The following SORBS3 variants were observed in gnomAD, a reference collection of about 807,000 sequenced individuals.
The protein encoded by SORBS3 is sorbin and SH3 domain containing 3.
Under a neutral mutation model 98.0 loss-of-function variants are expected in SORBS3, and 69 were observed. The observed-to-expected ratio is 0.70, with a 90% CI of 0.58 to 0.86. The LOEUF (loss-of-function observed/expected upper bound fraction) is 0.86. Among genes scored for constraint, SORBS3 ranks in the 40% least tolerant of loss-of-function variants. The pLI is 0.00. For synonymous variants in SORBS3, 394 were observed against 355.4 expected, an observed-to-expected ratio of 1.11 and a Z score of -1.22; for missense variants, 954 against 908.5, an observed-to-expected ratio of 1.05 and a Z score of -0.64.
chr8:22,557,047 T>G, intron 4 of SORBS3, 139 bp downstream of exon 4: 2 of 980,038 alleles, frequency 2.0e-6, no homozygotes, highest in Non-Finnish European at 3.0e-6. Flanking sequence ...TCAACCGTGG[T>G]GGGGTTCAGC....
At chr8:22,561,471 T>C (rs1840293638) in intron 6 of SORBS3, 98 bp downstream of exon 6, 2 of 1,340,394 alleles carry the variant, frequency 1.5e-6, no homozygotes, top group Non-Finnish European at 2.1e-6. Context: ...TTTGGGGCTC[T>C]CCAGTTGGCT....
chr8:22,553,908 G>A lies in SORBS3; in HGVS notation c.-55-544G>A, dbSNP rs1245385281. Reference sequence around the variant, plus strand: ...GGTCTTGCTGCCTGGAAATGCCCCCGACGCTCCCCTTGGCCCTATTGGGCT... The same window carrying A: ...GGTCTTGCTGCCTGGAAATGCCCCCAACGCTCCCCTTGGCCCTATTGGGCT... On this transcript the variant is annotated intron_variant, in intron 1 of 20. Transcript: ENST00000240123. Among the ~76,000 whole-genome samples, 5 of 152,176 alleles carry A rather than the reference G, an allele frequency of 3.3e-5. No individual in the cohort carries two copies. In the South Asian group the frequency reaches 6.2e-4, roughly 19 times the overall value.
chr8:22,569,607 G>A (rs1235894832), intron 17 of SORBS3, among the ~76,000 whole-genome samples: 2 of 152,074 alleles, frequency 1.3e-5, no homozygotes, highest in Non-Finnish European at 2.9e-5. Flanking sequence ...TAAAGTGTTG[G>A]GATTACAGGC....
chr8:22,571,789 C>T lies in SORBS3; in HGVS notation c.1815C>T (p.Ser605=), dbSNP rs866047334. 4 of 1,613,560 alleles carry T rather than the reference C, an allele frequency of 2.5e-6. No individual in the cohort carries two copies. The African/African-American group carries it at 4.0e-5, about 16-fold the overall frequency. ...GCCATCCCCTGGACCTGGGGACCTC[C>T]TCTCCTAACACCTCTCAGATACACT... ...GPSHPLDLGT[S]SPNTSQIHWT... Residue 605 remains serine, a synonymous_variant, in exon 19 of 21, where the codon TCC becomes TCT. Coordinates refer to ENST00000240123, the MANE Select transcript of SORBS3 (RefSeq NM_005775.5).
Position 22,556,762 on chromosome 8 carries a change from G to A in SORBS3, c.268G>A (p.Ala90Thr). ...GCCAGGCCCTGGGAGCAAGCCCTCTGCAAGCACAAAGATCCCTGCCTCCCA... is the reference window on the plus strand; with the variant it reads ...GCCAGGCCCTGGGAGCAAGCCCTCTACAAGCACAAAGATCCCTGCCTCCCA... ...TWPGPGSKPS[A>T]STKIPASQHT... The change falls in exon 4 of 21, where the codon GCA becomes ACA. Residue 90 changes from alanine to threonine, a missense_variant. Physicochemically the swap from Ala to Thr is moderately conservative, Grantham distance 58 (BLOSUM62 0). Transcript: ENST00000240123. 6.2e-7 allele frequency: 1 copy of A among 1,613,852 alleles called. No homozygotes were observed. The highest frequency in any genetic ancestry group is 8.5e-7 in the Non-Finnish European group (1 of 1,180,042).
chr8:22,566,414 C>G lies in SORBS3; in HGVS notation c.1020C>G (p.Pro340=). 6.2e-7 allele frequency: 1 copy of G among 1,614,110 alleles called. No individual in the cohort carries two copies. The highest frequency in any genetic ancestry group is 8.5e-7 in the Non-Finnish European group (1 of 1,179,998). Residue 340 remains proline (P), a synonymous_variant, in exon 13 of 21, where the codon CCC becomes CCG. Coordinates refer to ENST00000240123, the MANE Select transcript of SORBS3 (RefSeq NM_005775.5). ...PYLGSARSLS[P]HKMADGGSPF... ...TGGGTTCCGCCCGGTCCCTGAGTCC[C>G]CACAAAATGGCTGATGGAGGAAGCC...
At position 22,556,792 on chromosome 8, in the gene SORBS3, A is replaced by G; in HGVS notation, c.298A>G (p.Thr100Ala). 6.2e-7 allele frequency: 1 copy of G among 1,613,764 alleles called. No homozygotes were observed. The highest frequency in any genetic ancestry group is 8.5e-7 in the Non-Finnish European group (1 of 1,180,030). Residue 100 changes from threonine (T) to alanine (A), a missense_variant, in exon 4 of 21, where the codon ACC (threonine) becomes GCC (alanine). Thr to Ala is a moderately conservative substitution (Grantham distance 58). Transcript: ENST00000240123. ...ASTKIPASQH[T>A]QNWSATWTKD... ...CACAAAGATCCCTGCCTCCCAGCAC[A>G]CCCAGAACTGGTCAGCCACGTGGAC...
intron 1 of SORBS3, among the ~76,000 whole-genome samples, chr8:22,553,939 C>T (rs1048304033): frequency 6.6e-6 from 1 of 152,232 alleles, no homozygotes; most frequent in African/African-American, 2.4e-5. Context: ...GGGCTTAAGG[C>T]CCTGCTGACT....
Position 22,554,419 on chromosome 8 carries a change from C to A in SORBS3, c.-55-33C>A. 1 of 1,543,390 alleles carries A rather than the reference C, an allele frequency of 6.5e-7. No homozygotes were observed. The highest frequency in any genetic ancestry group is 1.2e-5 in the South Asian group (1 of 80,008). On this transcript the variant is annotated intron_variant, in intron 1 of 20. Coordinates refer to ENST00000240123, the MANE Select transcript of SORBS3 (RefSeq NM_005775.5). This position sits in a 1 kb window ranked among gnomAD's most constrained non-coding sequence, Gnocchi z 6.5. Reference sequence around the variant, plus strand: ...AGAGGGCATGGGCAGCCTAGCCTAGCAGGGCTTTCCCTTCCTTCCTCCTTC... The same window carrying A: ...AGAGGGCATGGGCAGCCTAGCCTAGAAGGGCTTTCCCTTCCTTCCTCCTTC...
chr8:22,569,297 G>T (rs1361046350), intron 17 of SORBS3, 24 bp downstream of exon 17: 2 of 1,563,164 alleles, frequency 1.3e-6, no homozygotes, highest in Non-Finnish European at 1.7e-6. Context: ...GAGACGGAGG[G>T]GTGGGTGGGG....
At chr8:22,567,720 A>G (rs933079877) in intron 16 of SORBS3, among the ~76,000 whole-genome samples, 4 of 152,218 alleles carry the variant, frequency 2.6e-5, no homozygotes, top group African/African-American at 4.8e-5. Flanking sequence ...AAAGGGCGAT[A>G]GGTTATCTTT....
chr8:22,562,812 T>C (rs376057844), intron 7 of SORBS3, among the ~76,000 whole-genome samples: 2 of 152,230 alleles, frequency 1.3e-5, no homozygotes, highest in African/African-American at 2.4e-5. Flanking sequence ...ATTAGTAATA[T>C]ACAGGCTTAA....
chr8:22,555,080 G>T, intron 3 of SORBS3, 100 bp downstream of exon 3: 1 of 997,836 alleles, frequency 1.0e-6, no homozygotes, highest in South Asian at 1.5e-5. Context: ...CTGGAGATGG[G>T]GTTCTCAAGG....
chr8:22,565,292 G>T lies in SORBS3; in HGVS notation c.841G>T (p.Glu281Ter), dbSNP rs137860983. The T allele has an allele frequency of 4.5e-6, 7 of 1,556,614 alleles. No individual in the cohort carries two copies. The South Asian group carries it at 7.1e-5, about 16-fold the overall frequency. Residue 281 changes from glutamate (E) to a stop codon, truncating the protein, a stop_gained, in exon 11 of 21, where the codon GAG becomes TAG. Coordinates refer to ENST00000240123, the MANE Select transcript of SORBS3 (RefSeq NM_005775.5). LOFTEE classifies it high-confidence loss of function. ...IEVLLERELA[E>*]LSAELDKDLR... ...GGTGCTGCTGGAGAGAGAGCTGGCC[G>T]AGCTGAGCGCCGAGCTGGACAAGGA...
chr8:22,554,447 C>G lies in SORBS3; in HGVS notation c.-55-5C>G, dbSNP rs1035679715. 13 of 1,579,184 alleles carry G rather than the reference C, an allele frequency of 8.2e-6. No homozygotes were observed. Among genetic ancestry groups the G allele is most frequent in the Admixed American group, 1.7e-5 (1 of 58,108 alleles). ...GGCTTTCCCTTCCTTCCTCCTTCCCCACAGAGGACACGCAGAGGAGCAGCT... is the reference window on the plus strand; with the variant it reads ...GGCTTTCCCTTCCTTCCTCCTTCCCGACAGAGGACACGCAGAGGAGCAGCT... On this transcript the variant is annotated splice_polypyrimidine_tract_variant and splice_region_variant and intron_variant, in intron 1 of 20. Coordinates refer to ENST00000240123, the MANE Select transcript of SORBS3 (RefSeq NM_005775.5). This position sits in a 1 kb window ranked among gnomAD's most constrained non-coding sequence, Gnocchi z 6.5.
chr8:22,561,243 A>T, intron 5 of SORBS3, 92 bp from the exon 6 acceptor site: 1 of 1,249,390 alleles, frequency 8.0e-7, no homozygotes, highest in Non-Finnish European at 1.1e-6. Context: ...CCCCTACTCT[A>T]GGGATGTTGG....
At chr8:22,545,540 C>A (rs1308934533) in intron 1 of SORBS3, 1 of 152,286 alleles carries the variant, frequency 6.6e-6, no homozygotes, top group Non-Finnish European at 1.5e-5. Context: ...GAGGCCTTGG[C>A]CTCACGCCCC....
In SORBS3 at chr8:22,566,447, A is replaced by T. The variant is rs774474244; in HGVS notation, c.1053A>T (p.Leu351=). ...HKMADGGSPF[L]GRRDFVYPSS... Reference sequence around the variant, plus strand: ...TGGCTGATGGAGGAAGCCCCTTCCTAGGTCGGAGGGACTTTGTCTACCCTT... The same window carrying T: ...TGGCTGATGGAGGAAGCCCCTTCCTTGGTCGGAGGGACTTTGTCTACCCTT... Residue 351 remains leucine, a synonymous_variant, in exon 13 of 21, where the codon CTA becomes CTT. Coordinates refer to ENST00000240123, the MANE Select transcript of SORBS3 (RefSeq NM_005775.5). The T allele has an allele frequency of 6.8e-6, 11 of 1,613,836 alleles. No homozygotes were observed. The highest frequency in any genetic ancestry group is 1.7e-5 in the Admixed American group (1 of 60,000).
At position 22,570,779 on chromosome 8, in the gene SORBS3, C is replaced by T. The variant is rs1031528424; in HGVS notation, c.1432-131C>T. The T allele has an allele frequency of 6.5e-6, 5 of 774,420 alleles. No individual in the cohort carries two copies. The Admixed American group carries it at 1.5e-4, about 24-fold the overall frequency. The allele number at this position is 774,420 out of a possible 1,614,324, so 48.0% of individuals were successfully genotyped here. A position where few individuals can be genotyped will look rare whatever the true frequency, so the allele number is the denominator to read the frequency against. ...GCTCTTACCGTGTGACTCGGGTAAA[C>T]TGCTGGCCCCCTGCGATTCCGACCC... On this transcript the variant is annotated intron_variant, in intron 17 of 20. Coordinates refer to ENST00000240123, the MANE Select transcript of SORBS3 (RefSeq NM_005775.5).
Sources: allele counts gnomAD v4.1 joint callset (sites outside exome capture counted in the v4.1 genomes callset), GRCh38; gene constraint gnomAD v4.1.1; non-coding constraint Gnocchi (gnomAD v3.1); transcripts MANE v1.5; gene names NCBI Gene and HGNC (gene_info 2026-07-23, HGNC 2026-07-21).